Variants in DCUN1D4 observed in about 807,000 individuals in gnomAD.
DCUN1D4 encodes the protein DCN1-like protein 4.
DCUN1D4 carries 22 observed loss-of-function variants against 47.9 expected under a neutral mutation model. That is an observed-to-expected ratio of 0.46 (90% CI 0.33 to 0.66). The LOEUF is 0.66. DCUN1D4 is among the 30% of genes least tolerant of loss of function. DCUN1D4 has a pLI of 0.02. For synonymous variants in DCUN1D4, 121 were observed against 112.2 expected (o/e 1.08, Z -0.50); for missense variants, 301 against 340.8 (o/e 0.88, Z 0.92).
intron 4 of DCUN1D4, among the ~76,000 whole-genome samples, chr4:51,876,247 A>G (rs889889693): frequency 1.3e-5 from 2 of 152,224 alleles, no homozygotes; most frequent in African/African-American, 2.4e-5. Flanking sequence ...ATAAAAAATG[A>G]TGAGTTCATG....
chr4:51,909,151 A>G (rs1348809245), intron 8 of DCUN1D4, among the ~76,000 whole-genome samples: 1 of 151,684 alleles, frequency 6.6e-6, no homozygotes, highest in Non-Finnish European at 1.5e-5. Flanking sequence ...CTTTTTTGTC[A>G]CCTTAGTGTA....
At chr4:51,866,503 GC>G (rs1184720916) in intron 3 of DCUN1D4, among the ~76,000 whole-genome samples, 25 of 152,100 alleles carry the variant, frequency 1.6e-4, no homozygotes, top group Non-Finnish European at 2.9e-4. Flanking sequence ...CATTTATAAA[GC>G]ATCTGCTTTC....
chr4:51,898,759 A>G (rs777263779), intron 7 of DCUN1D4, among the ~76,000 whole-genome samples: 30 of 152,246 alleles, frequency 2.0e-4, no homozygotes, highest in Non-Finnish European at 3.5e-4. Context: ...TCAAGAAAGA[A>G]AAAGGCAGAG....
At chr4:51,847,952 T>TA (rs1722805666) in intron 1 of DCUN1D4, among the ~76,000 whole-genome samples, 1 of 152,220 alleles carries the variant, frequency 6.6e-6, no homozygotes, top group Non-Finnish European at 1.5e-5. Flanking sequence ...GACCATGTCT[T>TA]ACCCAGTATC....
rs191833392 is a variant in DCUN1D4 at position 51,845,544 on chromosome 4, A to G, written c.25+2277A>G. On this transcript the variant is annotated intron_variant, in intron 1 of 10. Transcript: ENST00000334635. ...CTTAATACTAGAAACCTTCCTCTCC[A>G]TAAGTAGACTCCCTAAACGTCACAT... Among the ~76,000 whole-genome samples the G allele has an allele frequency of 2.9e-3, 449 of 152,290 alleles. 3 individuals carry two copies. Among genetic ancestry groups the G allele is most frequent in the African/African-American group, 0.01 (419 of 41,554 alleles).
intron 8 of DCUN1D4, among the ~76,000 whole-genome samples, chr4:51,899,953 T>C (rs147888632): frequency 1.3e-5 from 2 of 152,332 alleles, no homozygotes; most frequent in African/African-American, 4.8e-5. Context: ...ATAAAAATCT[T>C]ACTTTTCAGC....
In DCUN1D4 at chr4:51,858,174, T is replaced by C. The variant is rs180893144; in HGVS notation, c.26-5263T>C. Among the ~76,000 whole-genome samples the C allele has an allele frequency of 2.6e-5, 4 of 152,314 alleles. No individual in the cohort carries two copies. The East Asian group carries it at 7.7e-4, about 29-fold the overall frequency. On this transcript the variant is annotated intron_variant, in intron 1 of 10. Transcript: ENST00000334635. Reference sequence around the variant, plus strand: ...AATTGTATATATTTACGGAGTACAATGTGATGTTTTGATACATGCATAATT... The same window carrying C: ...AATTGTATATATTTACGGAGTACAACGTGATGTTTTGATACATGCATAATT...
At chr4:51,887,597 T>C (rs1729711456) in intron 6 of DCUN1D4, among the ~76,000 whole-genome samples, 1 of 152,236 alleles carries the variant, frequency 6.6e-6, no homozygotes, top group African/African-American at 2.4e-5. Context: ...CAGTTTGATA[T>C]TACATTAGCT....
intron 1 of DCUN1D4, 119 bp downstream of exon 1, chr4:51,843,386 G>A: frequency 1.5e-6 from 2 of 1,359,994 alleles, no homozygotes; most frequent in Non-Finnish European, 1.9e-6. Context: ...GCCCCTGCCT[G>A]GGAACCACCC....
intron 8 of DCUN1D4, among the ~76,000 whole-genome samples, chr4:51,899,997 A>G (rs1731855741): frequency 6.6e-6 from 1 of 152,234 alleles, no homozygotes; most frequent in African/African-American, 2.4e-5. Flanking sequence ...TTGAAGCACC[A>G]GTTGGCATCA....
chr4:51,842,023 G>C (rs924818891), upstream of DCUN1D4, among the ~76,000 whole-genome samples: 1 of 151,800 alleles, frequency 6.6e-6, no homozygotes, highest in Non-Finnish European at 1.5e-5. Context: ...TTAATATCTC[G>C]AAATATTGTT....
intron 7 of DCUN1D4, among the ~76,000 whole-genome samples, chr4:51,896,038 CA>C (rs1368092843): frequency 6.6e-6 from 1 of 152,110 alleles, no homozygotes; most frequent in Non-Finnish European, 1.5e-5. Context: ...CAGCCTGTTT[CA>C]CTATTGGGGG....
At chr4:51,868,991 G>A (rs1726413717) in intron 3 of DCUN1D4, among the ~76,000 whole-genome samples, 1 of 151,948 alleles carries the variant, frequency 6.6e-6, no homozygotes, top group South Asian at 2.1e-4. Flanking sequence ...GGTGGTGCAT[G>A]CCTATAATCT....
chr4:51,868,741 A>T (rs953005001), intron 3 of DCUN1D4, among the ~76,000 whole-genome samples: 1 of 152,148 alleles, frequency 6.6e-6, no homozygotes, highest in East Asian at 1.9e-4. Flanking sequence ...TGTGTGTCAC[A>T]ATCTTCCTCC....
chr4:51,878,043 A>C (rs544504045), intron 5 of DCUN1D4, 189 bp downstream of exon 5: 1 of 354,072 alleles, frequency 2.8e-6, no homozygotes, highest in African/African-American at 2.1e-5. Flanking sequence ...CCAGCAGCTA[A>C]GCCAAATAAT....
At chr4:51,911,216 G>A in intron 9 of DCUN1D4, 42 bp downstream of exon 9, 1 of 1,532,564 alleles carries the variant, frequency 6.5e-7, no homozygotes, top group Non-Finnish European at 9.0e-7. Flanking sequence ...TTGCTTGCTT[G>A]GAACTACCAA....
intron 1 of DCUN1D4, among the ~76,000 whole-genome samples, chr4:51,849,227 A>G (rs1723001357): frequency 1.3e-5 from 2 of 152,162 alleles, no homozygotes; most frequent in Non-Finnish European, 2.9e-5. Context: ...AGGCAAGGAA[A>G]GAAGAGTAGC....
At position 51,863,651 on chromosome 4, in the gene DCUN1D4, A is replaced by G; in HGVS notation, c.97-19A>G. On this transcript the variant is annotated intron_variant, in intron 2 of 10. Transcript: ENST00000334635. Reference sequence around the variant, plus strand: ...AACGGTATGTGATTTCTTCGTAATAACGAACATATTTCTTTCAGAACCTAA... The same window carrying G: ...AACGGTATGTGATTTCTTCGTAATAGCGAACATATTTCTTTCAGAACCTAA... 1 of 1,612,202 alleles carries G rather than the reference A, an allele frequency of 6.2e-7. No homozygotes were observed. The highest frequency in any genetic ancestry group is 8.5e-7 in the Non-Finnish European group (1 of 1,179,474).
In DCUN1D4 at chr4:51,911,016, G is replaced by A. The variant is rs1186054944; in HGVS notation, c.616-54G>A. 28 of 1,530,406 alleles carry A rather than the reference G, an allele frequency of 1.8e-5. No homozygotes were observed. In the Admixed American group the frequency reaches 4.5e-4, roughly 25 times the overall value. The allele number at this position is 1,530,406 out of a possible 1,614,324, so 94.8% of individuals were successfully genotyped here. A position where few individuals can be genotyped will look rare whatever the true frequency, so the allele number is the denominator to read the frequency against. ...AAGTGAATACACATTTGCAATTATT[G>A]GAATTTATTATTTGGGGGCATCTGG... is the stretch of plus-strand genomic sequence containing the variant. On this transcript the variant is annotated intron_variant, in intron 8 of 10. Coordinates refer to ENST00000334635, the MANE Select transcript of DCUN1D4 (RefSeq NM_001040402.3).
Sources: gnomAD v4.1 joint callset for allele counts (sites outside exome capture counted in the v4.1 genomes callset) on GRCh38, gnomAD v4.1.1 for gene constraint, MANE v1.5 for transcripts, NCBI Gene and HGNC (gene_info 2026-07-23, HGNC 2026-07-21) for gene names.